KLF12: variants seen among roughly 807,000 people sequenced by gnomAD.
KLF12 encodes the protein KLF transcription factor 12, also known as Krueppel-like factor 12.
A neutral mutation model predicts 37.8 loss-of-function variants in KLF12; 9 were observed. The observed-to-expected ratio is 0.24, with a 90% CI of 0.14 to 0.42. KLF12 has a LOEUF of 0.42. Ranked by LOEUF, KLF12 falls within the 10% of genes least tolerant of loss-of-function variation. The probability of loss-of-function intolerance (pLI) is 1.00; values close to 1 mark genes in which losing one functional copy is unlikely to be tolerated. For synonymous variants in KLF12, 208 were observed against 202.1 expected (o/e 1.03, Z -0.25); for missense variants, 411 against 516.0 (o/e 0.80, Z 1.97).
At chr13:73,738,067 A>ATG (rs1190359902) in intron 6 of KLF12, among the ~76,000 whole-genome samples, 1 of 148,366 alleles carries the variant, frequency 6.7e-6, no homozygotes, top group Admixed American at 6.8e-5. Flanking sequence ...ATATATATAT[A>ATG]TACACACACA....
intron 6 of KLF12, among the ~76,000 whole-genome samples, chr13:73,727,539 T>C (rs1451860752): frequency 1.3e-5 from 2 of 152,242 alleles, no homozygotes; most frequent in Non-Finnish European, 1.5e-5. Context: ...TTCTTACTTC[T>C]ATTCCATGGA....
At chr13:74,264,213 G>A in the KLF12 span, among the ~76,000 whole-genome samples, 1 of 152,148 alleles carries the variant, frequency 6.6e-6, no homozygotes, top group African/African-American at 2.4e-5. Flanking sequence ...AAAACTAACT[G>A]GGTGTGTGAG....
At chr13:73,719,134 T>C (rs921319000) in intron 6 of KLF12, among the ~76,000 whole-genome samples, 6 of 152,130 alleles carry the variant, frequency 3.9e-5, no homozygotes, top group African/African-American at 7.2e-5. Context: ...AACTGCTGAT[T>C]TGATCTTTTT....
intron 5 of KLF12, among the ~76,000 whole-genome samples, chr13:73,772,728 G>A (rs1278119154): frequency 6.6e-6 from 1 of 152,128 alleles, no homozygotes; most frequent in African/African-American, 2.4e-5. Flanking sequence ...GATTGGAACT[G>A]GCACAGTCGG....
intron 7 of KLF12, among the ~76,000 whole-genome samples, chr13:73,697,399 G>T (rs567216244): frequency 2.6e-5 from 4 of 152,208 alleles, no homozygotes; most frequent in African/African-American, 9.6e-5. Context: ...CTACTGCCTG[G>T]ATTGACACCA....
intron 1 of KLF12, among the ~76,000 whole-genome samples, chr13:74,025,027 A>T (rs1423794831): frequency 6.6e-6 from 1 of 152,212 alleles, no homozygotes; most frequent in Non-Finnish European, 1.5e-5. Flanking sequence ...TACTAAGCTG[A>T]CAGGTACTTT....
chr13:73,747,848 TTC>T (rs1204227203), intron 6 of KLF12, among the ~76,000 whole-genome samples: 1 of 152,228 alleles, frequency 6.6e-6, no homozygotes, highest in Non-Finnish European at 1.5e-5. Context: ...ACTCTATTCT[TTC>T]TCTTTTCATT....
At chr13:74,180,965 C>T in the KLF12 span, among the ~76,000 whole-genome samples, 1 of 152,036 alleles carries the variant, frequency 6.6e-6, no homozygotes, top group Non-Finnish European at 1.5e-5. Flanking sequence ...GTTTCAGGTC[C>T]TTTGATTATA....
chr13:74,251,740 G>T, the KLF12 span, among the ~76,000 whole-genome samples: 1 of 152,164 alleles, frequency 6.6e-6, no homozygotes, highest in Non-Finnish European at 1.5e-5. Context: ...GAGAAACCCA[G>T]CATTATAAAC....
chr13:73,950,320 C>T (rs1042222085), intron 2 of KLF12, among the ~76,000 whole-genome samples: 9 of 152,194 alleles, frequency 5.9e-5, no homozygotes, highest in Admixed American at 3.3e-4. Flanking sequence ...CCAAAATTTA[C>T]TATTGGCATT....
the KLF12 span, among the ~76,000 whole-genome samples, chr13:74,207,210 G>C: frequency 2.0e-5 from 3 of 152,196 alleles, no homozygotes; most frequent in African/African-American, 4.8e-5. Flanking sequence ...CATGAGGACA[G>C]AGCCCTCATG....
At chr13:73,886,804 C>A (rs1403354372) in intron 3 of KLF12, among the ~76,000 whole-genome samples, 2 of 152,012 alleles carry the variant, frequency 1.3e-5, no homozygotes, top group Non-Finnish European at 2.9e-5. Flanking sequence ...CCAGCCTGAC[C>A]AACATGGAGA....
chr13:73,924,434 T>C (rs937561520), intron 3 of KLF12, among the ~76,000 whole-genome samples: 1 of 152,158 alleles, frequency 6.6e-6, no homozygotes, highest in African/African-American at 2.4e-5. Context: ...TTATGGCGAG[T>C]TGTGATCAGT....
intron 1 of KLF12, among the ~76,000 whole-genome samples, chr13:74,095,217 T>C (rs1464286218): frequency 2.0e-5 from 3 of 152,254 alleles, no homozygotes; most frequent in African/African-American, 7.2e-5. Flanking sequence ...CATGTCTTTT[T>C]CAAGATATGA....
the KLF12 span, among the ~76,000 whole-genome samples, chr13:74,157,278 C>T: frequency 6.6e-6 from 1 of 152,092 alleles, no homozygotes; most frequent in African/African-American, 2.4e-5. Flanking sequence ...CCAAGTATCT[C>T]TTTATGACAG....
intron 1 of KLF12, among the ~76,000 whole-genome samples, chr13:74,113,005 G>A (rs74732700): frequency 0.03 from 4,538 of 152,218 alleles, 211 homozygotes; most frequent in African/African-American, 0.1. Flanking sequence ...AATCTGAGTG[G>A]TCTGGATAGA....
intron 5 of KLF12, among the ~76,000 whole-genome samples, chr13:73,765,292 C>T (rs1879836837): frequency 6.6e-6 from 1 of 152,050 alleles, no homozygotes; most frequent in South Asian, 2.1e-4. Context: ...TGACTGAATA[C>T]CTAACCCTTG....
At chr13:74,287,474 G>A in the KLF12 span, among the ~76,000 whole-genome samples, 1 of 151,008 alleles carries the variant, frequency 6.6e-6, no homozygotes, top group Non-Finnish European at 1.5e-5. Context: ...GGTGAAAGAT[G>A]CTACTTGAGC....
chr13:73,796,334 A>G (rs938391402), intron 5 of KLF12, among the ~76,000 whole-genome samples: 16 of 151,702 alleles, frequency 1.1e-4, no homozygotes, highest in Admixed American at 1.1e-3. Context: ...TGTCCTTTTC[A>G]TAACTAAACT....
Sources: allele counts gnomAD v4.1 joint callset (sites outside exome capture counted in the v4.1 genomes callset), GRCh38; gene constraint gnomAD v4.1.1; transcripts MANE v1.5; gene names NCBI Gene and HGNC (gene_info 2026-07-23, HGNC 2026-07-21).